The following SPAG16 variants were observed in gnomAD, a reference collection of about 807,000 sequenced individuals.
SPAG16 encodes sperm associated antigen 16.
A neutral mutation model predicts 80.4 loss-of-function variants in SPAG16; 86 were observed. That is an observed-to-expected ratio of 1.07 (90% confidence interval 0.90 to 1.28). The LOEUF (loss-of-function observed/expected upper bound fraction) is 1.28. Among genes scored for constraint, SPAG16 ranks in the 50% most tolerant of loss-of-function variants. The pLI is 0.00. For synonymous variants in SPAG16, 294 were observed against 265.9 expected, an observed-to-expected ratio of 1.11 and a Z score of -1.03; for missense variants, 870 against 765.3, an observed-to-expected ratio of 1.14 and a Z score of -1.61.
chr2:213,500,717 G>C (rs994414705), intron 10 of SPAG16, among the ~76,000 whole-genome samples: 5 of 152,194 alleles, frequency 3.3e-5, no homozygotes, highest in African/African-American at 7.2e-5. Flanking sequence ...TGGGGTGGTA[G>C]GTAATAGGTT....
At chr2:213,546,500 T>C (rs377766150) in intron 10 of SPAG16, among the ~76,000 whole-genome samples, 5 of 152,308 alleles carry the variant, frequency 3.3e-5, no homozygotes, top group African/African-American at 1.2e-4. Flanking sequence ...ATTACAAACA[T>C]GTAATAATCA....
intron 14 of SPAG16, among the ~76,000 whole-genome samples, chr2:214,123,477 A>G (rs1045390447): frequency 6.6e-6 from 1 of 152,076 alleles, no homozygotes; most frequent in African/African-American, 2.4e-5. Context: ...AAAACAGTTC[A>G]GTAGTGAAAT....
chr2:214,157,381 TA>T (rs796577868), intron 15 of SPAG16, among the ~76,000 whole-genome samples: 22 of 152,086 alleles, frequency 1.4e-4, no homozygotes, highest in African/African-American at 3.1e-4. Flanking sequence ...AACTGTACAG[TA>T]AAAAAAACTG....
intron 10 of SPAG16, among the ~76,000 whole-genome samples, chr2:213,611,015 A>T (rs1257264132): frequency 6.6e-6 from 1 of 152,200 alleles, no homozygotes; most frequent in Non-Finnish European, 1.5e-5. Context: ...TCTTCCAGGG[A>T]ATGCAGCCCA....
At position 214,151,387 on chromosome 2, in the gene SPAG16, A is replaced by G. The variant is rs375786756; in HGVS notation, c.1720+2121A>G. On this transcript the variant is annotated intron_variant, in intron 15 of 15. Coordinates refer to ENST00000331683, the MANE Select transcript of SPAG16 (RefSeq NM_024532.5). ...GAGTGCAAATTAAGAGCCAAACAAA[A>G]TTGAAATAAGGATGGGGCACATAGG... 4.6e-5 allele frequency among the ~76,000 whole-genome samples: 7 copies of G among 152,230 alleles called. No homozygotes were observed. In the East Asian group the frequency reaches 1.2e-3, roughly 25 times the overall value.
At chr2:214,169,338 A>G (rs1180552318) in intron 15 of SPAG16, among the ~76,000 whole-genome samples, 1 of 152,048 alleles carries the variant, frequency 6.6e-6, no homozygotes, top group Non-Finnish European at 1.5e-5. Flanking sequence ...TATTCAAAGG[A>G]AGTAAATTGA....
chr2:213,614,574 G>T (rs547842716), intron 10 of SPAG16, among the ~76,000 whole-genome samples: 1 of 152,148 alleles, frequency 6.6e-6, no homozygotes, highest in Non-Finnish European at 1.5e-5. Flanking sequence ...GTGTTGTCCT[G>T]GGATAGTGGA....
At chr2:213,999,278 C>A (rs2046676473) in intron 12 of SPAG16, among the ~76,000 whole-genome samples, 1 of 152,178 alleles carries the variant, frequency 6.6e-6, no homozygotes, top group South Asian at 2.1e-4. Flanking sequence ...GCCCTGCATC[C>A]CAGATGCTCC....
At chr2:213,414,234 C>T (rs1315594202) in intron 9 of SPAG16, among the ~76,000 whole-genome samples, 1 of 152,188 alleles carries the variant, frequency 6.6e-6, no homozygotes, top group African/African-American at 2.4e-5. Flanking sequence ...GTTCCTGCTA[C>T]AGTGGGTCTG....
chr2:213,723,960 C>T lies in SPAG16; in HGVS notation c.1071-138525C>T, dbSNP rs560143978. Among the ~76,000 whole-genome samples, 18 of 152,296 alleles carry T rather than the reference C, an allele frequency of 1.2e-4. No homozygotes were observed. The South Asian group carries it at 1.7e-3, about 14-fold the overall frequency. On this transcript the variant is annotated intron_variant, in intron 10 of 15. Transcript: ENST00000331683. ...TTAGGTAGCTTGCTTCTTTCTTTGG[C>T]ATGTCTCTTGGTCATCAGGGTGAGA...
intron 14 of SPAG16, 65 bp from the exon 15 acceptor site, chr2:214,149,075 G>GTA (rs368500543): frequency 4.3e-5 from 13 of 301,466 alleles, no homozygotes; most frequent in East Asian, 1.8e-4. Context: ...GTGTGTGTGT[G>GTA]TGTATATATA....
intron 8 of SPAG16, chr2:213,364,751 C>T (rs1397781971): frequency 6.6e-6 from 1 of 152,190 alleles, no homozygotes; most frequent in East Asian, 1.9e-4. Context: ...CAATACTATA[C>T]ATAACAACAC....
At chr2:214,252,373 G>A (rs1028702733) in intron 15 of SPAG16, among the ~76,000 whole-genome samples, 3 of 151,856 alleles carry the variant, frequency 2.0e-5, no homozygotes, top group Non-Finnish European at 2.9e-5. Context: ...GTATACACGT[G>A]CCATGGTGGT....
chr2:214,330,297 G>T (rs367621973), intron 15 of SPAG16, among the ~76,000 whole-genome samples: 11 of 150,888 alleles, frequency 7.3e-5, no homozygotes, highest in Admixed American at 5.3e-4. Context: ...AAAAGGAAAA[G>T]AAATAAAGAA....
At chr2:214,067,201 C>T (rs1184437558) in intron 13 of SPAG16, among the ~76,000 whole-genome samples, 2 of 152,176 alleles carry the variant, frequency 1.3e-5, no homozygotes. Flanking sequence ...ACAAATCCAT[C>T]ACTTTCATTG....
At chr2:213,415,842 C>A (rs763490461) in intron 9 of SPAG16, among the ~76,000 whole-genome samples, 1 of 152,142 alleles carries the variant, frequency 6.6e-6, no homozygotes, top group Non-Finnish European at 1.5e-5. Flanking sequence ...TGAAAAGCCC[C>A]AGGTTGCTGC....
intron 10 of SPAG16, 49 bp from the exon 11 acceptor site, chr2:213,862,436 A>G: frequency 6.3e-7 from 1 of 1,589,786 alleles, no homozygotes; most frequent in African/African-American, 1.3e-5. Context: ...TATTCTGAAA[A>G]CATTTGCTAT....
At chr2:214,252,903 A>G (rs1380337429) in intron 15 of SPAG16, among the ~76,000 whole-genome samples, 2 of 152,140 alleles carry the variant, frequency 1.3e-5, no homozygotes, top group Non-Finnish European at 2.9e-5. Context: ...ACGAGTTTAC[A>G]GTCCCACCAA....
At chr2:213,368,303 A>G (rs1428794999) in intron 8 of SPAG16, among the ~76,000 whole-genome samples, 1 of 152,184 alleles carries the variant, frequency 6.6e-6, no homozygotes, top group Non-Finnish European at 1.5e-5. Context: ...ACTTTAAAGT[A>G]GTTTTTTCCA....
Sources: gnomAD v4.1 joint callset for allele counts (sites outside exome capture counted in the v4.1 genomes callset) on GRCh38, gnomAD v4.1.1 for gene constraint, MANE v1.5 for transcripts, NCBI Gene and HGNC (gene_info 2026-07-23, HGNC 2026-07-21) for gene names.